The following TMEFF1 variants were observed in gnomAD, a reference collection of about 807,000 sequenced individuals.
TMEFF1 encodes the protein tomoregulin-1.
In TMEFF1, 20 loss-of-function variants were observed where a neutral mutation model predicts 47.5. That is an observed-to-expected ratio of 0.42 (90% CI 0.30 to 0.61). The LOEUF (loss-of-function observed/expected upper bound fraction) is 0.61. Among genes scored for constraint, TMEFF1 ranks in the 20% least tolerant of loss-of-function variants. The probability of loss-of-function intolerance (pLI) is 0.19; values close to 1 mark genes in which losing one functional copy is unlikely to be tolerated. For synonymous variants in TMEFF1, 162 were observed against 166.3 expected, an observed-to-expected ratio of 0.97 and a Z score of 0.20; for missense variants, 411 against 471.1, an observed-to-expected ratio of 0.87 and a Z score of 1.18.
At chr9:100,551,275 G>A (rs1311471642) in intron 7 of TMEFF1, among the ~76,000 whole-genome samples, 3 of 152,156 alleles carry the variant, frequency 2.0e-5, no homozygotes, top group African/African-American at 7.2e-5. Flanking sequence ...GAACAGTATC[G>A]GATATACTTG....
At chr9:100,533,021 A>T (rs10989142) in intron 5 of TMEFF1, among the ~76,000 whole-genome samples, 1 of 144,868 alleles carries the variant, frequency 6.9e-6, no homozygotes, top group South Asian at 2.1e-4. Context: ...TCTCACTCAT[A>T]GGTGGGAATT....
At chr9:100,574,691 A>G (rs1839314622) in intron 9 of TMEFF1, among the ~76,000 whole-genome samples, 1 of 152,054 alleles carries the variant, frequency 6.6e-6, no homozygotes, top group Admixed American at 6.6e-5. Flanking sequence ...GGATCAAAGG[A>G]TGTCAGAGTC....
intron 1 of TMEFF1, among the ~76,000 whole-genome samples, chr9:100,481,624 T>C (rs1238489307): frequency 1.3e-5 from 2 of 152,152 alleles, no homozygotes; most frequent in African/African-American, 4.8e-5. Flanking sequence ...TGAGTGACAT[T>C]ATGGTTTTAG....
At chr9:100,490,763 T>C (rs1230985523) in intron 1 of TMEFF1, among the ~76,000 whole-genome samples, 1 of 151,526 alleles carries the variant, frequency 6.6e-6, no homozygotes, top group African/African-American at 2.4e-5. Flanking sequence ...GAGAAATCAC[T>C]CATTGTTTAA....
intron 5 of TMEFF1, among the ~76,000 whole-genome samples, chr9:100,546,637 T>C (rs374224675): frequency 1.2e-4 from 19 of 152,242 alleles, no homozygotes; most frequent in African/African-American, 3.1e-4. Flanking sequence ...TGTGTACTTA[T>C]AACTTCTGTC....
intron 9 of TMEFF1, 109 bp from the exon 10 acceptor site, chr9:100,576,407 G>C (rs1050636840): frequency 7.4e-7 from 1 of 1,356,292 alleles, no homozygotes; most frequent in African/African-American, 1.5e-5. Context: ...GTAATTGCTT[G>C]CAATGTGGCT....
intron 5 of TMEFF1, among the ~76,000 whole-genome samples, chr9:100,521,811 G>T (rs757879011): frequency 1.1e-4 from 16 of 152,168 alleles, no homozygotes; most frequent in Non-Finnish European, 1.8e-4. Context: ...TGCACTTTAT[G>T]GAAATAGCCC....
Position 100,572,535 on chromosome 9 carries a change from C to G in TMEFF1, c.917C>G (p.Thr306Ser), listed in dbSNP as rs1365172615. Residue 306 changes from threonine (T) to serine (S), a missense_variant, in exon 9 of 10, where the codon ACT becomes AGT. By Grantham distance (58) the Thr-to-Ser change is moderately conservative. Coordinates refer to ENST00000374879, the MANE Select transcript of TMEFF1 (RefSeq NM_003692.5). ...KASCRCESGYTGQHCEKTDFS... is the reference protein window; with the variant it reads ...KASCRCESGYSGQHCEKTDFS... ...CTTTTCAGATGTGAATCTGGCTACACTGGACAGCACTGTGAAAAGACAGAC... is the reference window on the plus strand; with the variant it reads ...CTTTTCAGATGTGAATCTGGCTACAGTGGACAGCACTGTGAAAAGACAGAC... 1 of 1,604,474 alleles carries G rather than the reference C, an allele frequency of 6.2e-7. No homozygotes were observed. The highest frequency in any genetic ancestry group is 8.5e-7 in the Non-Finnish European group (1 of 1,176,154).
At chr9:100,525,870 A>G (rs1398606630) in intron 5 of TMEFF1, among the ~76,000 whole-genome samples, 1 of 152,188 alleles carries the variant, frequency 6.6e-6, no homozygotes, top group Non-Finnish European at 1.5e-5. Flanking sequence ...ATGAATACTT[A>G]TTATTATACC....
chr9:100,529,177 C>G (rs1285266275), intron 5 of TMEFF1, among the ~76,000 whole-genome samples: 9 of 149,734 alleles, frequency 6.0e-5, no homozygotes, highest in African/African-American at 2.2e-4. Flanking sequence ...GAAGAAACTG[C>G]ATCAACTAAC....
intron 1 of TMEFF1, among the ~76,000 whole-genome samples, chr9:100,489,391 A>G (rs1837509691): frequency 6.6e-6 from 1 of 151,996 alleles, no homozygotes; most frequent in African/African-American, 2.4e-5. Flanking sequence ...GGGTTTCACC[A>G]TGTTGCCCAG....
At chr9:100,522,799 A>G (rs1171689382) in intron 5 of TMEFF1, among the ~76,000 whole-genome samples, 3 of 152,074 alleles carry the variant, frequency 2.0e-5, no homozygotes, top group South Asian at 2.1e-4. Context: ...CAGTGGCATG[A>G]TCTCGGCTCA....
intron 6 of TMEFF1, among the ~76,000 whole-genome samples, chr9:100,549,702 C>T (rs1239994008): frequency 1.3e-5 from 2 of 152,096 alleles, no homozygotes; most frequent in Non-Finnish European, 2.9e-5. Flanking sequence ...GCAGAGATTC[C>T]CCATTTATCT....
chr9:100,476,912 G>A (rs958359877), intron 1 of TMEFF1, among the ~76,000 whole-genome samples: 77 of 151,296 alleles, frequency 5.1e-4, no homozygotes, highest in Non-Finnish European at 1.0e-3. Context: ...TAGCCAGGAT[G>A]GTCTCGATCT....
At chr9:100,563,795 A>G (rs1003833134) in intron 8 of TMEFF1, among the ~76,000 whole-genome samples, 1 of 152,170 alleles carries the variant, frequency 6.6e-6, no homozygotes, top group African/African-American at 2.4e-5. Context: ...CTCAGTAAAT[A>G]TTTTTTGAAT....
At chr9:100,494,452 A>G (rs1214372584) in intron 1 of TMEFF1, among the ~76,000 whole-genome samples, 1 of 152,176 alleles carries the variant, frequency 6.6e-6, no homozygotes, top group Non-Finnish European at 1.5e-5. Flanking sequence ...ATTTATATAC[A>G]TTATTTTCTA....
intron 5 of TMEFF1, among the ~76,000 whole-genome samples, chr9:100,547,121 T>G (rs1838749001): frequency 6.6e-6 from 1 of 152,078 alleles, no homozygotes; most frequent in Non-Finnish European, 1.5e-5. Flanking sequence ...GCTTAAGTGA[T>G]CCTCCTGCCT....
intron 7 of TMEFF1, among the ~76,000 whole-genome samples, chr9:100,556,667 A>G (rs190533557): frequency 8.1e-4 from 124 of 152,310 alleles, no homozygotes; most frequent in South Asian, 4.4e-3. Context: ...TTATAAAACT[A>G]AAGAGATTCC....
intron 1 of TMEFF1, among the ~76,000 whole-genome samples, chr9:100,490,286 T>G (rs1189120071): frequency 6.6e-6 from 1 of 152,250 alleles, no homozygotes; most frequent in Non-Finnish European, 1.5e-5. Flanking sequence ...TTTTTCCTCC[T>G]CATATCTTTA....
Sources: gnomAD v4.1 joint callset for allele counts (sites outside exome capture counted in the v4.1 genomes callset) on GRCh38, gnomAD v4.1.1 for gene constraint, MANE v1.5 for transcripts, NCBI Gene and HGNC (gene_info 2026-07-23, HGNC 2026-07-21) for gene names.